TBP: variants seen among roughly 807,000 people sequenced by gnomAD.
The protein encoded by TBP is TATA-box binding protein, also known as TATA-box-binding protein.
Under a neutral mutation model 46.2 loss-of-function variants are expected in TBP, and 12 were observed. That is an observed-to-expected ratio of 0.26 (90% CI 0.17 to 0.42). TBP has a LOEUF of 0.42. TBP is among the 10% of genes least tolerant of loss of function. The pLI, the probability that TBP is intolerant of heterozygous loss-of-function variation, is 1.00. For synonymous variants in TBP, 157 were observed against 148.3 expected, an observed-to-expected ratio of 1.06 and a Z score of -0.42; for missense variants, 229 against 403.1, an observed-to-expected ratio of 0.57 and a Z score of 3.70.
chr6:170,565,380 G>A (rs936818974), intron 4 of TBP, among the ~76,000 whole-genome samples: 5 of 152,196 alleles, frequency 3.3e-5, no homozygotes, highest in African/African-American at 1.2e-4. Context: ...ATGTTAGCCA[G>A]CTATAGTAGG....
chr6:170,566,608 G>T (rs1386152408), intron 4 of TBP, among the ~76,000 whole-genome samples: 1 of 152,176 alleles, frequency 6.6e-6, no homozygotes, highest in African/African-American at 2.4e-5. Context: ...AGAAGCACTT[G>T]TATTTATTGA....
In TBP at chr6:170,562,135, G is replaced by C. The variant is rs146082443; in HGVS notation, c.399G>C (p.Pro133=). 6.2e-7 allele frequency: 1 copy of C among 1,613,936 alleles called. No individual in the cohort carries two copies. The highest frequency in any genetic ancestry group is 8.5e-7 in the Non-Finnish European group (1 of 1,180,022). The change falls in exon 3 of 8, where the codon CCG becomes CCC. Residue 133 remains proline, a synonymous_variant. Coordinates refer to ENST00000392092, the MANE Select transcript of TBP (RefSeq NM_003194.5). ...AGACTCTCACAACTGCACCCTTGCC[G>C]GGCACCACTCCACTGTATCCCTCCC... ...HSQTLTTAPL[P]GTTPLYPSPM...
At chr6:170,567,755 T>C (rs1779291796) in intron 5 of TBP, among the ~76,000 whole-genome samples, 1 of 152,194 alleles carries the variant, frequency 6.6e-6, no homozygotes, top group South Asian at 2.1e-4. Context: ...GTTGTGCAGA[T>C]CTTAAGGAAT....
intron 2 of TBP, among the ~76,000 whole-genome samples, chr6:170,558,516 A>G (rs1047109750): frequency 2.0e-5 from 3 of 152,166 alleles, no homozygotes; most frequent in African/African-American, 7.2e-5. Flanking sequence ...ACTTTACTGC[A>G]TGTTTGACAA....
chr6:170,562,296 C>T (rs1439936468), intron 3 of TBP, 63 bp downstream of exon 3: 2 of 1,508,086 alleles, frequency 1.3e-6, no homozygotes, highest in East Asian at 2.3e-5. Flanking sequence ...TGTTCCTGCT[C>T]TGTTTTCAGA....
chr6:170,555,448 T>C (rs1779001833), intron 1 of TBP, among the ~76,000 whole-genome samples: 1 of 152,220 alleles, frequency 6.6e-6, no homozygotes, highest in Non-Finnish European at 1.5e-5. Context: ...AGCCCACCAA[T>C]ATGTGCTGTC....
At chr6:170,562,941 C>G (rs1312020066) in intron 3 of TBP, among the ~76,000 whole-genome samples, 1 of 152,100 alleles carries the variant, frequency 6.6e-6, no homozygotes, top group Non-Finnish European at 1.5e-5. Context: ...CTTCATACTC[C>G]CTTTAGATCT....
intron 3 of TBP, 109 bp downstream of exon 3, chr6:170,562,342 G>A (rs559640554): frequency 4.1e-6 from 5 of 1,222,686 alleles, no homozygotes; most frequent in South Asian, 3.1e-5. Flanking sequence ...TGGCACTAAC[G>A]GTAATTGTGT....
Position 170,572,825 on chromosome 6 carries a change from ACT to A in TBP, c.*563_*564del, listed in dbSNP as rs1562363864. On this transcript the variant is annotated 3_prime_UTR_variant, in exon 8 of 8. Coordinates refer to ENST00000392092, the MANE Select transcript of TBP (RefSeq NM_003194.5). Reference sequence around the variant, plus strand: ...ACATATTTTTTTCTTTCTTCAGAGTACTCTGTACAATAAATGCAGTTTATAAA... The same window carrying A: ...ACATATTTTTTTCTTTCTTCAGAGTACTGTACAATAAATGCAGTTTATAAA... 1 of 152,892 alleles carries A rather than the reference ACT, an allele frequency of 6.5e-6. No individual in the cohort carries two copies. Among genetic ancestry groups the A allele is most frequent in the African/African-American group, 2.4e-5 (1 of 41,424 alleles). 9.5% of individuals were successfully genotyped at this position (152,892 alleles called of 1,614,324 possible). A position where few individuals can be genotyped will look rare whatever the true frequency, so the allele number is the denominator to read the frequency against.
rs1183023903 is a variant in TBP at position 170,569,601 on chromosome 6, C to T, written c.678-11C>T. The T allele has an allele frequency of 1.0e-5, 16 of 1,598,360 alleles. No homozygotes were observed. The highest frequency in any genetic ancestry group is 8.9e-5 in the Admixed American group (5 of 56,198). The stretch of plus-strand genomic sequence containing the variant: ...CTGAGTATGAATAACTCACTTTTTT[C>T]CTTTCCCTAGTGAAGAACAGTCCAG... On this transcript the variant is annotated splice_polypyrimidine_tract_variant and intron_variant, in intron 5 of 7. Coordinates refer to ENST00000392092, the MANE Select transcript of TBP (RefSeq NM_003194.5).
intron 1 of TBP, 138 bp downstream of exon 1, chr6:170,554,601 CG>C (rs1216597904): frequency 1.3e-5 from 2 of 152,752 alleles, no homozygotes; most frequent in Admixed American, 6.5e-5. Context: ...TTCGTGCTGC[CG>C]CCGTTCCGGC....
At chr6:170,559,815 C>G in intron 2 of TBP, among the ~76,000 whole-genome samples, 1 of 152,282 alleles carries the variant, frequency 6.6e-6, no homozygotes. Flanking sequence ...AGTGCCTAGC[C>G]TCAAAGCTTC....
At chr6:170,558,625 T>A (rs1779078025) in intron 2 of TBP, among the ~76,000 whole-genome samples, 1 of 152,306 alleles carries the variant, frequency 6.6e-6, no homozygotes, top group South Asian at 2.1e-4. Flanking sequence ...TTTTGGTAAT[T>A]TTTGCAGGAT....
At chr6:170,566,553 C>CATT (rs10691201) in intron 4 of TBP, among the ~76,000 whole-genome samples, 87,522 of 151,746 alleles carry the variant, frequency 0.58, 26,183 homozygotes, top group East Asian at 0.79. Context: ...CAAAATGTAT[C>CATT]AGAGAAGCTA....
chr6:170,566,034 A>C (rs113692167), intron 4 of TBP, among the ~76,000 whole-genome samples: 7,603 of 152,102 alleles, frequency 0.05, 634 homozygotes, highest in African/African-American at 0.17. Flanking sequence ...TGATTGCACC[A>C]CTGCACTCCA....
intron 5 of TBP, 177 bp downstream of exon 5, chr6:170,567,186 T>G: frequency 4.4e-6 from 1 of 228,724 alleles, no homozygotes; most frequent in Non-Finnish European, 7.9e-6. Flanking sequence ...TTGATTCTAT[T>G]AATGTTAGAT....
chr6:170,560,292 A>C (rs1336404106), intron 2 of TBP, among the ~76,000 whole-genome samples: 4 of 152,190 alleles, frequency 2.6e-5, no homozygotes, highest in Non-Finnish European at 5.9e-5. Context: ...CAAAGCTAGG[A>C]GCTCAAGACC....
rs1436150916 is a variant in TBP at position 170,569,762 on chromosome 6, C to T, written c.828C>T (p.Thr276=). ...FPIRLEGLVL[T]HQQFSSYEPE... ...TAAGGTTAGAAGGCCTTGTGCTCAC[C>T]CACCAACAATTTAGTAGGTAAGTCT... Residue 276 remains threonine (T), a synonymous_variant, in exon 6 of 8, where the codon ACC becomes ACT. Transcript: ENST00000392092. 1 of 1,612,668 alleles carries T rather than the reference C, an allele frequency of 6.2e-7. No individual in the cohort carries two copies. The highest frequency in any genetic ancestry group is 1.1e-5 in the South Asian group (1 of 90,704).
At chr6:170,568,826 T>C (rs1397706715) in intron 5 of TBP, among the ~76,000 whole-genome samples, 8 of 113,760 alleles carry the variant, frequency 7.0e-5, no homozygotes, top group Admixed American at 8.4e-5. Flanking sequence ...TTTTTTTTTT[T>C]TTTTTTTTTT....
Sources: allele counts gnomAD v4.1 joint callset (sites outside exome capture counted in the v4.1 genomes callset), GRCh38; gene constraint gnomAD v4.1.1; transcripts MANE v1.5; gene names NCBI Gene and HGNC (gene_info 2026-07-23, HGNC 2026-07-21).